LYPD6: variants seen among roughly 807,000 people sequenced by gnomAD.
LYPD6 encodes the protein LY6/PLAUR domain containing 6.
A neutral mutation model predicts 22.7 loss-of-function variants in LYPD6; 15 were observed. The observed-to-expected ratio is 0.66, with a 90% CI of 0.44 to 1.02. The LOEUF (loss-of-function observed/expected upper bound fraction) is 1.02, where lower values mean the gene tolerates loss of function less well. LYPD6 is among the 50% of genes least tolerant of loss of function. The probability of loss-of-function intolerance (pLI) is 0.00; values close to 1 mark genes in which losing one functional copy is unlikely to be tolerated. For missense variants in LYPD6, 189 were observed against 208.4 expected (o/e 0.91, Z 0.57); for synonymous variants, 72 against 77.5 (o/e 0.93, Z 0.37).
intron 1 of LYPD6, among the ~76,000 whole-genome samples, chr2:149,347,555 G>A (rs766026296): frequency 1.3e-5 from 2 of 152,214 alleles, no homozygotes; most frequent in South Asian, 4.1e-4. Context: ...AAAGGAAAAA[G>A]AATTCAAGTT....
At chr2:149,464,305 A>G (rs1681154963) in intron 3 of LYPD6, 1 of 317,954 alleles carries the variant, frequency 3.1e-6, no homozygotes, top group South Asian at 2.7e-5. Context: ...TCACATTTGG[A>G]TTGAGCCTTG....
chr2:149,464,816 C>T (rs1398533096), intron 3 of LYPD6, among the ~76,000 whole-genome samples: 1 of 152,146 alleles, frequency 6.6e-6, no homozygotes, highest in Non-Finnish European at 1.5e-5. Context: ...GACTTGGAGA[C>T]TCCCAGATTA....
intron 1 of LYPD6, among the ~76,000 whole-genome samples, chr2:149,350,506 G>T (rs1187424763): frequency 1.3e-5 from 2 of 152,174 alleles, no homozygotes; most frequent in Non-Finnish European, 2.9e-5. Flanking sequence ...GCAGGTGTTG[G>T]CTGGAGAGTA....
intron 1 of LYPD6, among the ~76,000 whole-genome samples, chr2:149,413,627 G>T (rs1682899631): frequency 6.6e-6 from 1 of 152,138 alleles, no homozygotes; most frequent in Non-Finnish European, 1.5e-5. Flanking sequence ...TTCCCCTGGG[G>T]ACTTACCTAT....
intron 4 of LYPD6, among the ~76,000 whole-genome samples, chr2:149,470,302 C>A (rs72992959): frequency 4.0e-5 from 6 of 151,704 alleles, no homozygotes; most frequent in Admixed American, 2.0e-4. Flanking sequence ...ACTTGGCAAA[C>A]GAAGGCTTAC....
the LYPD6 span, among the ~76,000 whole-genome samples, chr2:149,482,780 C>T: frequency 1.3e-5 from 2 of 152,238 alleles, no homozygotes; most frequent in East Asian, 3.9e-4. Flanking sequence ...CTTTTTAGGA[C>T]ACAAAATGCT....
At chr2:149,341,218 G>T (rs1284011930) in intron 1 of LYPD6, among the ~76,000 whole-genome samples, 1 of 152,116 alleles carries the variant, frequency 6.6e-6, no homozygotes. Flanking sequence ...GTTTGCAGCA[G>T]TTGTGCCTTT....
chr2:149,352,398 G>C (rs139074056), intron 1 of LYPD6, among the ~76,000 whole-genome samples: 575 of 152,262 alleles, frequency 3.8e-3, no homozygotes, highest in Middle Eastern at 6.8e-3. Context: ...GGAGAGGACA[G>C]CATGTTCAGG....
chr2:149,423,732 T>C (rs1245967288), intron 1 of LYPD6, among the ~76,000 whole-genome samples: 1 of 123,748 alleles, frequency 8.1e-6, no homozygotes, highest in East Asian at 2.8e-4. Flanking sequence ...CTAGACTAGT[T>C]AATAGACGTT....
chr2:149,391,187 G>A (rs916741224), intron 1 of LYPD6, among the ~76,000 whole-genome samples: 4 of 152,114 alleles, frequency 2.6e-5, no homozygotes, highest in African/African-American at 7.2e-5. Context: ...ATCCTTTTTT[G>A]TTATCTGCCA....
At chr2:149,335,450 T>C (rs967652525) in intron 1 of LYPD6, among the ~76,000 whole-genome samples, 8 of 152,238 alleles carry the variant, frequency 5.3e-5, no homozygotes, top group African/African-American at 1.9e-4. Flanking sequence ...GTTTGTGTTT[T>C]AAGCTAAGTG....
intron 1 of LYPD6, among the ~76,000 whole-genome samples, chr2:149,422,504 G>A (rs555004154): frequency 1.2e-4 from 19 of 152,216 alleles, no homozygotes; most frequent in African/African-American, 4.3e-4. Flanking sequence ...TGGCTGTTGG[G>A]TGTGGCTGCC....
chr2:149,333,716 A>G (rs1256995856), intron 1 of LYPD6, among the ~76,000 whole-genome samples: 2 of 152,212 alleles, frequency 1.3e-5, no homozygotes, highest in African/African-American at 4.8e-5. Context: ...TAATGACACA[A>G]TGCATTTAAA....
intron 1 of LYPD6, among the ~76,000 whole-genome samples, chr2:149,412,162 T>G (rs1181478219): frequency 6.6e-6 from 1 of 152,192 alleles, no homozygotes; most frequent in Non-Finnish European, 1.5e-5. Context: ...AATGAATAGG[T>G]ACTGCCTAGT....
rs574289975 is a variant in LYPD6 at position 149,449,261 on chromosome 2, G to T, written c.217+114G>T. The T allele has an allele frequency of 1.9e-5, 12 of 635,780 alleles. No homozygotes were observed. In the African/African-American group the frequency reaches 2.2e-4, roughly 12 times the overall value. 39.4% of individuals were successfully genotyped at this position (635,780 alleles called of 1,614,324 possible). A position where few individuals can be genotyped will look rare whatever the true frequency, so the allele number is the denominator to read the frequency against. ...GCTTGCAATCTCAGCTGCTCCTCTTGTCTAAGGCTATTAGATCTTTTGTAC... is the reference window on the plus strand; with the variant it reads ...GCTTGCAATCTCAGCTGCTCCTCTTTTCTAAGGCTATTAGATCTTTTGTAC... On this transcript the variant is annotated intron_variant, in intron 3 of 4. Transcript: ENST00000334166.
intron 1 of LYPD6, among the ~76,000 whole-genome samples, chr2:149,339,404 G>A (rs1239186509): frequency 1.3e-5 from 2 of 152,174 alleles, no homozygotes; most frequent in African/African-American, 4.8e-5. Flanking sequence ...AGCTTCCAAG[G>A]TCTCATAGGG....
intron 1 of LYPD6, among the ~76,000 whole-genome samples, chr2:149,387,149 T>G (rs984264330): frequency 6.6e-6 from 1 of 152,242 alleles, no homozygotes; most frequent in African/African-American, 2.4e-5. Context: ...TCTTCCTTAG[T>G]TTGAGATCCT....
At chr2:149,341,832 G>A (rs1159827554) in intron 1 of LYPD6, among the ~76,000 whole-genome samples, 5 of 152,122 alleles carry the variant, frequency 3.3e-5, no homozygotes, top group African/African-American at 1.2e-4. Context: ...AATCCCATTT[G>A]CGAGGGAGGA....
chr2:149,429,407 T>C (rs62190594), intron 1 of LYPD6, among the ~76,000 whole-genome samples: 2,515 of 152,324 alleles, frequency 0.017, 29 homozygotes, highest in East Asian at 0.052. Flanking sequence ...AGTCCAGCCA[T>C]GTCTAAACTG....
Sources: allele counts gnomAD v4.1 joint callset (sites outside exome capture counted in the v4.1 genomes callset), GRCh38; gene constraint gnomAD v4.1.1; transcripts MANE v1.5; gene names NCBI Gene and HGNC (gene_info 2026-07-23, HGNC 2026-07-21).